The following GREM2 variants were observed in gnomAD, a reference collection of about 807,000 sequenced individuals.
The protein encoded by GREM2 is gremlin-2.
In GREM2, 11 loss-of-function variants were observed where a neutral mutation model predicts 14.2. The observed-to-expected ratio is 0.78, with a 90% CI of 0.49 to 1.28. The LOEUF (loss-of-function observed/expected upper bound fraction) is 1.28. Ranked by LOEUF, GREM2 falls within the 50% of genes most tolerant of loss-of-function variation. The pLI, the probability that GREM2 is intolerant of heterozygous loss-of-function variation, is 0.00. For synonymous variants in GREM2, 98 were observed against 97.6 expected, an observed-to-expected ratio of 1.00 and a Z score of -0.02; for missense variants, 210 against 218.5, an observed-to-expected ratio of 0.96 and a Z score of 0.24.
At chr1:240,551,041 A>G (rs1678840106) in intron 1 of GREM2, among the ~76,000 whole-genome samples, 1 of 152,236 alleles carries the variant, frequency 6.6e-6, no homozygotes, top group African/African-American at 2.4e-5. Flanking sequence ...CCTGGGCTAA[A>G]TATCTCTGGA....
At chr1:240,524,182 A>G (rs924089349) in intron 1 of GREM2, among the ~76,000 whole-genome samples, 1 of 152,204 alleles carries the variant, frequency 6.6e-6, no homozygotes, top group Non-Finnish European at 1.5e-5. Context: ...TCGCCCAGCT[A>G]ATTTTTTATT....
Position 240,542,127 on chromosome 1 carries a change from C to T in GREM2, c.-1-48651G>A, listed in dbSNP as rs747110752. Among the ~76,000 whole-genome samples the T allele has an allele frequency of 1.8e-4, 28 of 151,930 alleles. No individual in the cohort carries two copies. The East Asian group carries it at 3.3e-3, about 18-fold the overall frequency. On this transcript the variant is annotated intron_variant, in intron 1 of 1. Coordinates refer to ENST00000318160, the MANE Select transcript of GREM2 (RefSeq NM_022469.4). The surrounding 1 kb of genome is among the most constrained non-coding windows in gnomAD (Gnocchi z 4.1). ...AGAAGGTCGAGGCCAAGGAGGATGCCGAACATCCTGCAATGCACAAGACAG... is the reference window on the plus strand; with the variant it reads ...AGAAGGTCGAGGCCAAGGAGGATGCTGAACATCCTGCAATGCACAAGACAG...
chr1:240,595,384 T>A (rs1364868446), intron 1 of GREM2, among the ~76,000 whole-genome samples: 1 of 152,182 alleles, frequency 6.6e-6, no homozygotes, highest in African/African-American at 2.4e-5. Context: ...CTCCTTTTCT[T>A]AAGTTCTTTT....
intron 1 of GREM2, among the ~76,000 whole-genome samples, chr1:240,526,392 C>T (rs1678222590): frequency 6.6e-6 from 1 of 152,158 alleles, no homozygotes. Flanking sequence ...ACAAGCTTAA[C>T]ATGCTGGTTT....
chr1:240,548,752 A>G (rs1678787270), intron 1 of GREM2, among the ~76,000 whole-genome samples: 1 of 152,170 alleles, frequency 6.6e-6, no homozygotes, highest in Non-Finnish European at 1.5e-5. Context: ...ATAAAAGGGA[A>G]GTGAGGGAGG....
intron 1 of GREM2, among the ~76,000 whole-genome samples, chr1:240,584,660 T>C (rs536099435): frequency 2.4e-4 from 37 of 152,088 alleles, no homozygotes; most frequent in Non-Finnish European, 4.3e-4. Context: ...CAGTGAGCCA[T>C]GATTTCACCA....
At chr1:240,549,515 C>T (rs1298877288) in intron 1 of GREM2, among the ~76,000 whole-genome samples, 1 of 151,816 alleles carries the variant, frequency 6.6e-6, no homozygotes, top group Non-Finnish European at 1.5e-5. Flanking sequence ...AGGTAAAACC[C>T]AATACAGAAT....
intron 1 of GREM2, among the ~76,000 whole-genome samples, chr1:240,600,262 T>C (rs1679896932): frequency 1.3e-5 from 2 of 152,134 alleles, no homozygotes; most frequent in Non-Finnish European, 2.9e-5. Context: ...AACTCTTGAT[T>C]TGGAAGGCAT....
chr1:240,504,400 A>G (rs540191848), intron 1 of GREM2, among the ~76,000 whole-genome samples: 1 of 152,316 alleles, frequency 6.6e-6, no homozygotes, highest in South Asian at 2.1e-4. Flanking sequence ...TCCAAGAGGT[A>G]TGAGTACAAG....
At chr1:240,516,674 A>AAAC (rs1054545762) in intron 1 of GREM2, among the ~76,000 whole-genome samples, 1 of 152,166 alleles carries the variant, frequency 6.6e-6, no homozygotes, top group Admixed American at 6.5e-5. Context: ...GTCTAGATTT[A>AAAC]AACAACAACA....
At chr1:240,555,547 A>G (rs1315588110) in intron 1 of GREM2, among the ~76,000 whole-genome samples, 2 of 152,250 alleles carry the variant, frequency 1.3e-5, no homozygotes, top group Admixed American at 6.5e-5. Flanking sequence ...AGATACAATG[A>G]AAGTATAGCA....
intron 1 of GREM2, among the ~76,000 whole-genome samples, chr1:240,562,417 G>A (rs1679057540): frequency 6.6e-6 from 1 of 152,132 alleles, no homozygotes; most frequent in African/African-American, 2.4e-5. Context: ...TTTACTAGCA[G>A]TCCCGCCTCT....
intron 1 of GREM2, among the ~76,000 whole-genome samples, chr1:240,503,435 C>T (rs2103280171): frequency 6.6e-6 from 1 of 152,280 alleles, no homozygotes; most frequent in African/African-American, 2.4e-5. Context: ...TTCTCAGCTC[C>T]TATCAGAGTG....
chr1:240,565,572 C>G (rs1471404643), intron 1 of GREM2, among the ~76,000 whole-genome samples: 2 of 152,040 alleles, frequency 1.3e-5, no homozygotes, highest in Non-Finnish European at 2.9e-5. Flanking sequence ...TCCCAACCAG[C>G]CCGGTGGCTC....
chr1:240,542,417 CA>C lies in GREM2; in HGVS notation c.-1-48942del, dbSNP rs1678611273. Among the ~76,000 whole-genome samples the C allele has an allele frequency of 6.8e-6, 1 of 147,284 alleles. No individual in the cohort carries two copies. The highest frequency in any genetic ancestry group is 1.5e-5 in the Non-Finnish European group (1 of 67,194). On this transcript the variant is annotated intron_variant, in intron 1 of 1. Transcript: ENST00000318160. This position sits in a 1 kb window ranked among gnomAD's most constrained non-coding sequence, Gnocchi z 4.1. ...GCCAGGAGTTCGAGACCAGCCTGGCCAACATGGCGAAACCCCCATCTCTACT... is the reference window on the plus strand; with the variant it reads ...GCCAGGAGTTCGAGACCAGCCTGGCCACATGGCGAAACCCCCATCTCTACT...
chr1:240,531,843 G>T (rs1245844595), intron 1 of GREM2, among the ~76,000 whole-genome samples: 2 of 151,604 alleles, frequency 1.3e-5, no homozygotes, highest in East Asian at 3.9e-4. Context: ...TGAGTAGCTG[G>T]GATTACAGGC....
At chr1:240,581,313 A>T (rs1679479536) in intron 1 of GREM2, among the ~76,000 whole-genome samples, 2 of 151,950 alleles carry the variant, frequency 1.3e-5, no homozygotes, top group Non-Finnish European at 2.9e-5. Flanking sequence ...CAGCTCTGCC[A>T]TTCAAGTAGC....
At chr1:240,559,000 A>C (rs1035437140) in intron 1 of GREM2, among the ~76,000 whole-genome samples, 1 of 152,172 alleles carries the variant, frequency 6.6e-6, no homozygotes, top group African/African-American at 2.4e-5. Context: ...TGAAGTATAC[A>C]AAGAAAATGT....
intron 1 of GREM2, among the ~76,000 whole-genome samples, chr1:240,562,749 G>A (rs1182620317): frequency 6.6e-6 from 1 of 151,680 alleles, no homozygotes; most frequent in Non-Finnish European, 1.5e-5. Context: ...ATGTGTGCAC[G>A]CATATGTGTG....
Sources: gnomAD v4.1 joint callset for allele counts (sites outside exome capture counted in the v4.1 genomes callset) on GRCh38, gnomAD v4.1.1 for gene constraint, Gnocchi (gnomAD v3.1) non-coding constraint, MANE v1.5 for transcripts, NCBI Gene and HGNC (gene_info 2026-07-23, HGNC 2026-07-21) for gene names.